ZBED6: variants seen among roughly 807,000 people sequenced by gnomAD.
The protein encoded by ZBED6 is zinc finger BED-type containing 6, also known as zinc finger BED domain-containing protein 6.
ZBED6 carries 40 observed loss-of-function variants against 58.4 expected under a neutral mutation model. That is an observed-to-expected ratio of 0.68 (90% CI 0.53 to 0.89). The LOEUF (loss-of-function observed/expected upper bound fraction) is 0.89. Ranked by LOEUF, ZBED6 falls within the 40% of genes least tolerant of loss-of-function variation. ZBED6 has a pLI of 0.00. For missense variants in ZBED6, 1,057 were observed against 1,003.9 expected (o/e 1.05, Z -0.71); for synonymous variants, 439 against 350.6 (o/e 1.25, Z -2.82).
intron 1 of ZBED6, among the ~76,000 whole-genome samples, chr1:203,814,169 T>C (rs1342904780): frequency 1.3e-5 from 2 of 152,186 alleles, no homozygotes; most frequent in Non-Finnish European, 2.9e-5. Flanking sequence ...AGTTCATTGC[T>C]TCCAGGTTCT....
chr1:203,852,418 T>G, exon 17 of ZBED6: 1 of 1,605,206 alleles, frequency 6.2e-7, no homozygotes, highest in South Asian at 1.1e-5. Context: ...GTGAGGACAC[T>G]TTAAAAAAAA....
At chr1:203,851,004 C>T (rs1205643466) in intron 15 of ZBED6, 53 bp from the exon 16 acceptor site, 3 of 1,586,546 alleles carry the variant, frequency 1.9e-6, no homozygotes, top group Non-Finnish European at 2.6e-6. Flanking sequence ...AATGAATATG[C>T]TCAAATTAAA....
At chr1:203,818,266 T>G (rs1677039368) in intron 2 of ZBED6, among the ~76,000 whole-genome samples, 1 of 152,208 alleles carries the variant, frequency 6.6e-6, no homozygotes, top group Non-Finnish European at 1.5e-5. Flanking sequence ...ATGTCAGTTT[T>G]GAAGATGAAC....
chr1:203,842,153 C>G (rs1053780485), intron 11 of ZBED6, among the ~76,000 whole-genome samples: 2 of 145,838 alleles, frequency 1.4e-5, no homozygotes, highest in Admixed American at 1.4e-4. Context: ...ACATCCCAGA[C>G]GATGGGCGGC....
At chr1:203,833,596 T>C (rs1348915751) in intron 8 of ZBED6, among the ~76,000 whole-genome samples, 195 bp from the exon 9 acceptor site, 1 of 146,650 alleles carries the variant, frequency 6.8e-6, no homozygotes, top group Non-Finnish European at 1.5e-5. Flanking sequence ...TATGTTTGGC[T>C]GTTTATTATT....
At chr1:203,799,314 G>A (rs757687070) in exon 1 of ZBED6, 12 of 710,308 alleles carry the variant, frequency 1.7e-5, no homozygotes, top group South Asian at 8.9e-5. Context: ...CTTTTTCTGC[G>A]AGCACAAAAG....
chr1:203,848,581 C>A (rs144246447), intron 13 of ZBED6, among the ~76,000 whole-genome samples, 174 bp downstream of exon 13: 1 of 152,122 alleles, frequency 6.6e-6, no homozygotes, highest in Admixed American at 6.5e-5. Flanking sequence ...TATCAGTATT[C>A]GCTGCCCTTT....
intron 11 of ZBED6, among the ~76,000 whole-genome samples, chr1:203,845,158 C>G (rs1687544998): frequency 6.6e-6 from 1 of 152,210 alleles, no homozygotes; most frequent in South Asian, 2.1e-4. Flanking sequence ...ATTCAGACAT[C>G]TGCTTTCTGT....
exon 1 of ZBED6, chr1:203,799,230 G>A: frequency 1.1e-6 from 1 of 879,304 alleles, no homozygotes; most frequent in Non-Finnish European, 1.8e-6. Flanking sequence ...CTCTAATGTG[G>A]TACATGCAAT....
exon 1 of ZBED6, chr1:203,798,273 A>G: frequency 6.5e-7 from 1 of 1,536,168 alleles, no homozygotes; most frequent in Middle Eastern, 1.7e-4. Context: ...TCTCATCAAA[A>G]GTAACATTGT....
chr1:203,815,724 C>T (rs999968924), intron 1 of ZBED6, among the ~76,000 whole-genome samples: 1 of 152,102 alleles, frequency 6.6e-6, no homozygotes, highest in African/African-American at 2.4e-5. Flanking sequence ...TCATGGCATA[C>T]CATTCTTGCA....
In ZBED6 at chr1:203,829,432, A is replaced by T. The variant is rs376210430; in HGVS notation, c.*2998-19A>T. 1 of 1,613,466 alleles carries T rather than the reference A, an allele frequency of 6.2e-7. No individual in the cohort carries two copies. Among genetic ancestry groups the T allele is most frequent in the East Asian group, 2.2e-5 (1 of 44,880 alleles). ...TTGTATCTTCTGTTTTTAATTTATGACTGATTTTGTGCGTTTAGCTGTGTT... is the reference window on the plus strand; with the variant it reads ...TTGTATCTTCTGTTTTTAATTTATGTCTGATTTTGTGCGTTTAGCTGTGTT... On this transcript the variant is annotated intron_variant, in intron 4 of 16. Coordinates refer to ENST00000550078, the Ensembl canonical transcript of ZBED6.
intron 13 of ZBED6, 40 bp downstream of exon 13, chr1:203,848,447 C>G (rs1386684254): frequency 6.7e-7 from 1 of 1,497,472 alleles, no homozygotes; most frequent in Non-Finnish European, 9.2e-7. Flanking sequence ...TCATGGCAAA[C>G]AAAGGCTAGA....
chr1:203,804,834 G>A (rs1168856511), intron 1 of ZBED6, among the ~76,000 whole-genome samples: 1 of 151,604 alleles, frequency 6.6e-6, no homozygotes, highest in Non-Finnish European at 1.5e-5. Context: ...CACCATGCCC[G>A]GCTGATTTTT....
At position 203,831,664 on chromosome 1, in the gene ZBED6, G is replaced by C. The variant is rs1441643653; in HGVS notation, c.*3403G>C. 7 of 1,611,366 alleles carry C rather than the reference G, an allele frequency of 4.3e-6. No homozygotes were observed. In the Middle Eastern group the frequency reaches 5.1e-4, roughly 117 times the overall value. On this transcript the variant is annotated 3_prime_UTR_variant, in exon 8 of 17. Coordinates refer to ENST00000550078, the Ensembl canonical transcript of ZBED6. ...TTCTTTGACTTGCCTTATTCAGAGG[G>C]TTCTTCAGGAGTTTCCAGTCTTTTA...
chr1:203,815,297 C>T (rs575055614), intron 1 of ZBED6, among the ~76,000 whole-genome samples: 4 of 142,082 alleles, frequency 2.8e-5, no homozygotes, highest in Non-Finnish European at 6.0e-5. Context: ...TCACTGCAAC[C>T]TCTGCCTCCT....
chr1:203,816,880 G>A (rs541947746), intron 1 of ZBED6, 46 bp from the exon 2 acceptor site: 34 of 501,104 alleles, frequency 6.8e-5, no homozygotes, highest in African/African-American at 6.4e-4. Context: ...TTTGAAGGAG[G>A]AAGAATTTAC....
At chr1:203,838,230 G>A (rs1684978080) in intron 10 of ZBED6, among the ~76,000 whole-genome samples, 166 bp downstream of exon 10, 1 of 152,160 alleles carries the variant, frequency 6.6e-6, no homozygotes, top group Admixed American at 6.5e-5. Context: ...GCTAGATTCT[G>A]GGTAGACACC....
chr1:203,796,314 G>A (rs1169852207), exon 1 of ZBED6: 3 of 397,954 alleles, frequency 7.5e-6, no homozygotes. Context: ...TTTGGAGCTT[G>A]TCTCAAACTC....
Sources: gnomAD v4.1 joint callset for allele counts (sites outside exome capture counted in the v4.1 genomes callset) on GRCh38, gnomAD v4.1.1 for gene constraint, MANE v1.5 for transcripts, NCBI Gene and HGNC (gene_info 2026-07-23, HGNC 2026-07-21) for gene names.